The following CBX3 variants were observed in gnomAD, a reference collection of about 807,000 sequenced individuals.
The protein encoded by CBX3 is chromobox 3, also known as chromobox protein homolog 3.
CBX3 carries 5 observed loss-of-function variants against 22.6 expected under a neutral mutation model. The observed-to-expected ratio is 0.22, with a 90% CI of 0.12 to 0.47. The LOEUF (loss-of-function observed/expected upper bound fraction) is 0.47. CBX3 is among the 20% of genes least tolerant of loss of function. The probability of loss-of-function intolerance (pLI) is 0.99; values close to 1 mark genes in which losing one functional copy is unlikely to be tolerated. For synonymous variants in CBX3, 50 were observed against 66.6 expected (o/e 0.75, Z 1.21); for missense variants, 83 against 208.1 (o/e 0.40, Z 3.70).
intron 3 of CBX3, among the ~76,000 whole-genome samples, 166 bp downstream of exon 3, chr7:26,206,676 G>A (rs1167250056): frequency 1.3e-5 from 2 of 152,186 alleles, no homozygotes; most frequent in Non-Finnish European, 2.9e-5. Context: ...AAAGAACCAA[G>A]ACTTTATTGT....
chr7:26,208,773 C>T (rs550917113), intron 4 of CBX3, among the ~76,000 whole-genome samples: 1 of 152,140 alleles, frequency 6.6e-6, no homozygotes, highest in African/African-American at 2.4e-5. Context: ...GTGCCCACCA[C>T]CACGCCCAGC....
intron 3 of CBX3, 146 bp downstream of exon 3, chr7:26,206,656 G>A (rs1004797591): frequency 2.6e-6 from 2 of 765,846 alleles, no homozygotes; most frequent in African/African-American, 1.8e-5. Flanking sequence ...CTCATTTGAG[G>A]TCTATTTCAA....
intron 3 of CBX3, among the ~76,000 whole-genome samples, chr7:26,206,773 T>C (rs987991441): frequency 3.9e-5 from 6 of 152,182 alleles, no homozygotes; most frequent in African/African-American, 1.4e-4. Context: ...TACTATGTAA[T>C]ATATTTTAAT....
chr7:26,202,938 C>T (rs1467480738), intron 1 of CBX3, 33 bp from the exon 2 acceptor site: 1 of 1,378,318 alleles, frequency 7.3e-7, no homozygotes, highest in Admixed American at 1.8e-5. Flanking sequence ...TTGTGTCATG[C>T]AAACTTACCT....
chr7:26,212,295 T>A lies in CBX3; in HGVS notation c.*87T>A. ...TGATTTACTAGTGTGACAAAATAAC[T>A]ACATCCTAATGAAAATCAAGTTTGA... On this transcript the variant is annotated 3_prime_UTR_variant, in exon 6 of 6. Transcript: ENST00000396386. 1.2e-6 allele frequency: 1 copy of A among 805,982 alleles called. No individual in the cohort carries two copies. The highest frequency in any genetic ancestry group is 1.6e-6 in the Non-Finnish European group (1 of 616,202). The allele number at this position is 805,982 out of a possible 1,614,324, so 49.9% of individuals were successfully genotyped here.
intron 3 of CBX3, among the ~76,000 whole-genome samples, chr7:26,207,019 A>G (rs1036766840): frequency 6.6e-6 from 1 of 152,196 alleles, no homozygotes; most frequent in Non-Finnish European, 1.5e-5. Flanking sequence ...TATTCTTGAT[A>G]ATGTTATTCA....
intron 1 of CBX3, chr7:26,202,754 C>T: frequency 1.9e-6 from 1 of 513,934 alleles, no homozygotes; most frequent in South Asian, 2.7e-5. Flanking sequence ...TTTTAGGTAC[C>T]AGGATCCCCA....
At chr7:26,207,402 T>A (rs1330830321) in intron 3 of CBX3, among the ~76,000 whole-genome samples, 1 of 152,206 alleles carries the variant, frequency 6.6e-6, no homozygotes, top group Non-Finnish European at 1.5e-5. Flanking sequence ...AAAATTATTT[T>A]TACCCATCAA....
chr7:26,203,511 C>T (rs903430049), intron 2 of CBX3, among the ~76,000 whole-genome samples: 10 of 152,190 alleles, frequency 6.6e-5, no homozygotes, highest in African/African-American at 2.4e-4. Flanking sequence ...TACTCTAAAA[C>T]ATAGAAGAAT....
intron 2 of CBX3, among the ~76,000 whole-genome samples, chr7:26,203,474 C>T (rs1472640276): frequency 6.6e-6 from 1 of 152,158 alleles, no homozygotes; most frequent in Non-Finnish European, 1.5e-5. Flanking sequence ...TTTCAAATTA[C>T]TTTGGTCACT....
In CBX3 at chr7:26,211,685, C is replaced by T. The variant is rs376630956; in HGVS notation, c.354C>T (p.Ala118=). The T allele has an allele frequency of 1.9e-6, 3 of 1,609,064 alleles. No individual in the cohort carries two copies. Among genetic ancestry groups the T allele is most frequent in the East Asian group, 2.2e-5 (1 of 44,628 alleles). The change falls in exon 5 of 6, where the codon GCC becomes GCT. Residue 118 remains alanine (A), a synonymous_variant. Transcript: ENST00000396386. ...RDAADKPRGF[A]RGLDPERIIG... ...AGGCTGACAAACCAAGAGGATTTGC[C>T]AGAGGTCTTGATCCTGAAAGAATAA...
At chr7:26,208,036 C>A (rs6955003) in intron 3 of CBX3, 1 of 155,166 alleles carries the variant, frequency 6.4e-6, no homozygotes, top group Non-Finnish European at 1.4e-5. Context: ...CAAAATGAGA[C>A]CCCTTCTCTA....
rs1784836915 is a variant in CBX3 at position 26,212,699 on chromosome 7, A to G, written c.*491A>G. On this transcript the variant is annotated 3_prime_UTR_variant, in exon 6 of 6. Transcript: ENST00000396386. ...TCACAGGTAAACCCATGTTTCTGAG[A>G]TGCCATTATTCCAAGCAAAATAAGA... 1 of 152,264 alleles carries G rather than the reference A, an allele frequency of 6.6e-6. No individual in the cohort carries two copies. Among genetic ancestry groups the G allele is most frequent in the Non-Finnish European group, 1.5e-5 (1 of 68,050 alleles). 9.4% of individuals were successfully genotyped at this position (152,264 alleles called of 1,614,324 possible).
At chr7:26,211,617 T>C in intron 4 of CBX3, 45 bp from the exon 5 acceptor site, 1 of 1,247,412 alleles carries the variant, frequency 8.0e-7, no homozygotes, top group South Asian at 1.3e-5. Context: ...ATGAAAACAA[T>C]TTAATACTCT....
intron 2 of CBX3, among the ~76,000 whole-genome samples, chr7:26,204,245 A>G (rs903103005): frequency 1.3e-5 from 2 of 151,318 alleles, no homozygotes; most frequent in African/African-American, 4.9e-5. Context: ...TTTTTTTTGT[A>G]AACCTTAGTG....
intron 2 of CBX3, among the ~76,000 whole-genome samples, chr7:26,205,812 G>A (rs1405180160): frequency 2.0e-5 from 3 of 152,196 alleles, no homozygotes; most frequent in Non-Finnish European, 4.4e-5. Flanking sequence ...AGGGCCGGGC[G>A]CAGTGGCTCA....
At chr7:26,201,739 C>T (rs959161900), upstream of CBX3, 9 of 85,172 alleles carry the variant, frequency 1.1e-4, no homozygotes, top group East Asian at 3.0e-3. Flanking sequence ...TCCCGGCTCC[C>T]TCCCCCTTCG....
intron 2 of CBX3, among the ~76,000 whole-genome samples, chr7:26,205,052 G>A (rs781144024): frequency 3.9e-5 from 6 of 152,132 alleles, no homozygotes; most frequent in Non-Finnish European, 7.3e-5. Context: ...GCCTCCCAAA[G>A]TGCTGGGATT....
intron 2 of CBX3, among the ~76,000 whole-genome samples, 159 bp downstream of exon 2, chr7:26,203,181 T>G (rs1330202160): frequency 6.6e-6 from 1 of 152,176 alleles, no homozygotes; most frequent in Non-Finnish European, 1.5e-5. Flanking sequence ...AACGAATTCA[T>G]TACAGGGAGA....
Sources: gnomAD v4.1 joint callset for allele counts (sites outside exome capture counted in the v4.1 genomes callset) on GRCh38, gnomAD v4.1.1 for gene constraint, MANE v1.5 for transcripts, NCBI Gene and HGNC (gene_info 2026-07-23, HGNC 2026-07-21) for gene names.